DDO: variants seen among roughly 807,000 people sequenced by gnomAD.
DDO encodes the protein D-aspartate oxidase, DDO.
In DDO, 16 loss-of-function variants were observed where a neutral mutation model predicts 16.8. The observed-to-expected ratio is 0.95, with a 90% confidence interval of 0.65 to 1.45. The LOEUF (loss-of-function observed/expected upper bound fraction) is 1.45. DDO is among the 40% of genes most tolerant of loss of function. The probability of loss-of-function intolerance (pLI) is 0.00; values close to 1 mark genes in which losing one functional copy is unlikely to be tolerated. For synonymous variants in DDO, 180 were observed against 167.2 expected, an observed-to-expected ratio of 1.08 and a Z score of -0.59; for missense variants, 429 against 420.3, an observed-to-expected ratio of 1.02 and a Z score of -0.18.
In DDO at chr6:110,408,465, AG is replaced by A. The variant is rs747859563; in HGVS notation, c.173-24del. On this transcript the variant is annotated intron_variant, in intron 2 of 4. Coordinates refer to ENST00000368924, the MANE Select transcript of DDO (RefSeq NM_001372108.2). ...TATCTGTAATCATGGAGAAAAGCAA[AG>A]TGGAACAGAAAGGAAAATGATGATA... The A allele has an allele frequency of 8.1e-6, 13 of 1,602,134 alleles. No homozygotes were observed. The Admixed American group carries it at 1.0e-4, about 12-fold the overall frequency.
At chr6:110,413,915 A>C (rs1309539740) in intron 1 of DDO, among the ~76,000 whole-genome samples, 1 of 152,152 alleles carries the variant, frequency 6.6e-6, no homozygotes, top group Non-Finnish European at 1.5e-5. Flanking sequence ...CTGGGATTAC[A>C]GGTGCCCACC....
intron 2 of DDO, among the ~76,000 whole-genome samples, chr6:110,411,750 C>T (rs1031776344): frequency 3.3e-5 from 5 of 150,838 alleles, no homozygotes; most frequent in African/African-American, 1.2e-4. Flanking sequence ...GAAGGGAGGA[C>T]GGTTTAAACT....
chr6:110,413,289 A>G lies in DDO; in HGVS notation c.172+2T>C. The stretch of plus-strand genomic sequence containing the variant: ...TCTGATAGAGGAGCTGAAATCTCTC[A>G]CCTGGATAAGTGTGAGGAATAAGCA... On this transcript the variant is annotated splice_donor_variant, in intron 2 of 4. Coordinates refer to ENST00000368924, the MANE Select transcript of DDO (RefSeq NM_001372108.2). LOFTEE classifies it high-confidence loss of function. The G allele has an allele frequency of 6.2e-7, 1 of 1,613,832 alleles. No individual in the cohort carries two copies. Among genetic ancestry groups the G allele is most frequent in the South Asian group, 1.1e-5 (1 of 91,024 alleles).
intron 1 of DDO, among the ~76,000 whole-genome samples, chr6:110,414,173 G>A (rs866608975): frequency 2.6e-5 from 4 of 152,346 alleles, no homozygotes; most frequent in Middle Eastern, 3.4e-3. Context: ...TACCTGAGGA[G>A]CAGTGGTGAG....
chr6:110,391,351 C>CTTTT (rs10683177), downstream of DDO, among the ~76,000 whole-genome samples: 374 of 133,516 alleles, frequency 2.8e-3, 8 homozygotes, highest in African/African-American at 3.5e-3. Context: ...CTCCTCAAGC[C>CTTTT]TTTTTTTTTT....
intron 1 of DDO, 53 bp from the exon 2 acceptor site, chr6:110,413,519 C>A (rs970793599): frequency 6.3e-7 from 1 of 1,579,830 alleles, no homozygotes; most frequent in Non-Finnish European, 8.6e-7. Context: ...TTTTCCCATC[C>A]AGACAAAGTT....
At chr6:110,412,096 A>T (rs945257169) in intron 2 of DDO, among the ~76,000 whole-genome samples, 2 of 152,100 alleles carry the variant, frequency 1.3e-5, no homozygotes, top group African/African-American at 2.4e-5. Context: ...AAATACAAAA[A>T]TTAGCCGGGC....
At chr6:110,410,972 G>A (rs1035701444) in intron 2 of DDO, among the ~76,000 whole-genome samples, 2 of 152,108 alleles carry the variant, frequency 1.3e-5, no homozygotes, top group Non-Finnish European at 2.9e-5. Flanking sequence ...CTTTGGACTG[G>A]AAAACACAAA....
At chr6:110,388,636 A>G (rs1773053510), downstream of DDO, among the ~76,000 whole-genome samples, 1 of 152,186 alleles carries the variant, frequency 6.6e-6, no homozygotes, top group Admixed American at 6.5e-5. Flanking sequence ...GTTAAAAAAA[A>G]AATCCTAAAA....
At chr6:110,408,589 T>C in intron 2 of DDO, 147 bp from the exon 3 acceptor site, 1 of 653,602 alleles carries the variant, frequency 1.5e-6, no homozygotes, top group South Asian at 2.0e-5. Context: ...TAATATAAAG[T>C]GCCACATTGT....
Position 110,408,335 on chromosome 6 carries a change from C to A in DDO, c.280G>T (p.Gly94Cys). ...ATAACTTCAAATTTCTTCACTTACC[C>A]TGATACCAAATGAACACCAGCATCT... ...AGDAGVHLVS[G>C]WQIFQSTPTE... Residue 94 changes from glycine to cysteine, a missense_variant and splice_region_variant, in exon 3 of 5, where the codon GGT becomes TGT. Transcript: ENST00000368924. 1 of 1,613,734 alleles carries A rather than the reference C, an allele frequency of 6.2e-7. No homozygotes were observed. Among genetic ancestry groups the A allele is most frequent in the Non-Finnish European group, 8.5e-7 (1 of 1,179,704 alleles).
intron 4 of DDO, among the ~76,000 whole-genome samples, chr6:110,394,578 C>A (rs570979300): frequency 3.9e-5 from 6 of 152,272 alleles, no homozygotes; most frequent in Admixed American, 6.5e-5. Flanking sequence ...TAAGAGGGAC[C>A]AGAAGGGTGT....
intron 4 of DDO, among the ~76,000 whole-genome samples, chr6:110,399,060 C>T (rs1480443950): frequency 6.6e-6 from 1 of 152,132 alleles, no homozygotes; most frequent in Non-Finnish European, 1.5e-5. Flanking sequence ...CTGGAAGGAG[C>T]CAGTAATAAA....
At position 110,392,867 on chromosome 6, in the gene DDO, AG is replaced by A. The variant is rs777216083; in HGVS notation, c.933del (p.Ser312GlnfsTer14). ...VHHYGHGSGG[I>X]SVHWGTALEA... ...TCCAGAGCAGTGCCCCAGTGCACTG[AG>A]ATGCCCCCACTCCCATGGCCATAGT... On this transcript the variant is annotated frameshift_variant, in exon 5 of 5. Transcript: ENST00000368924. LOFTEE classifies it high-confidence loss of function. 3 of 1,613,990 alleles carry A rather than the reference AG, an allele frequency of 1.9e-6. No homozygotes were observed. The African/African-American group carries it at 4.0e-5, about 22-fold the overall frequency.
downstream of DDO, among the ~76,000 whole-genome samples, chr6:110,389,369 T>G (rs1332517638): frequency 6.6e-6 from 1 of 152,230 alleles, no homozygotes; most frequent in Non-Finnish European, 1.5e-5. Context: ...GAGCCAACAC[T>G]CATAAGAAAT....
Position 110,392,586 on chromosome 6 carries a change from C to A in DDO, c.*189G>T, listed in dbSNP as rs1773132702. ...TCAAACTCCTGGGCTCAACAATCCT[C>A]CTGCCTCAGCCTCTCAAGTAGCTGG... On this transcript the variant is annotated 3_prime_UTR_variant, in exon 5 of 5. Transcript: ENST00000368924. The A allele has an allele frequency of 1.6e-6, 2 of 1,251,852 alleles. No homozygotes were observed. The highest frequency in any genetic ancestry group is 3.1e-5 in the African/African-American group (2 of 65,068). 77.5% of individuals were successfully genotyped at this position (1,251,852 alleles called of 1,614,324 possible). A position where few individuals can be genotyped will look rare whatever the true frequency, so the allele number is the denominator to read the frequency against.
chr6:110,392,314 A>G lies in DDO; in HGVS notation c.*461T>C. On this transcript the variant is annotated 3_prime_UTR_variant, in exon 5 of 5. Coordinates refer to ENST00000368924, the MANE Select transcript of DDO (RefSeq NM_001372108.2). ...CATTATCTCCTCCTGTGGATTTATAAGCCAAATGATATCAAAATCTCTATA... is the reference window on the plus strand; with the variant it reads ...CATTATCTCCTCCTGTGGATTTATAGGCCAAATGATATCAAAATCTCTATA... 1 of 986,016 alleles carries G rather than the reference A, an allele frequency of 1.0e-6. No homozygotes were observed. Among genetic ancestry groups the G allele is most frequent in the Non-Finnish European group, 1.2e-6 (1 of 830,340 alleles). The allele number at this position is 986,016 out of a possible 1,614,324, so 61.1% of individuals were successfully genotyped here.
intron 2 of DDO, among the ~76,000 whole-genome samples, chr6:110,411,626 C>T (rs1169612780): frequency 6.6e-6 from 1 of 151,796 alleles, no homozygotes; most frequent in African/African-American, 2.4e-5. Context: ...GTAAGTCTCC[C>T]AGAAAGTAAA....
intron 4 of DDO, 130 bp from the exon 5 acceptor site, chr6:110,393,472 AG>A (rs1241266219): frequency 7.5e-7 from 1 of 1,339,356 alleles, no homozygotes; most frequent in Non-Finnish European, 9.7e-7. Flanking sequence ...AGGAGCTTCC[AG>A]GGCCCAGTCA....
Sources: allele counts gnomAD v4.1 joint callset (sites outside exome capture counted in the v4.1 genomes callset), GRCh38; gene constraint gnomAD v4.1.1; transcripts MANE v1.5; gene names NCBI Gene and HGNC (gene_info 2026-07-23, HGNC 2026-07-21).